The following PRKDC variants were observed in gnomAD, a reference collection of about 807,000 sequenced individuals.
PRKDC encodes protein kinase, DNA-activated, catalytic subunit, also known as DNA-dependent protein kinase catalytic subunit.
Under a neutral mutation model 486.9 loss-of-function variants are expected in PRKDC, and 82 were observed. The observed-to-expected ratio is 0.17, with a 90% CI of 0.14 to 0.20. The LOEUF (loss-of-function observed/expected upper bound fraction) is 0.20, where lower values mean the gene tolerates loss of function less well. Among genes scored for constraint, PRKDC ranks in the 10% least tolerant of loss-of-function variants. The pLI, the probability that PRKDC is intolerant of heterozygous loss-of-function variation, is 1.00. For missense variants in PRKDC, 4,504 were observed against 5,038.2 expected (o/e 0.89, Z 3.21); for synonymous variants, 1,895 against 1,837.0 (o/e 1.03, Z -0.81).
Position 47,849,415 on chromosome 8 carries a change from T to C in PRKDC, c.7094A>G (p.Asn2365Ser). 3 of 1,614,018 alleles carry C rather than the reference T, an allele frequency of 1.9e-6. No homozygotes were observed. Among genetic ancestry groups the C allele is most frequent in the Non-Finnish European group, 2.5e-6 (3 of 1,179,902 alleles). ...AGGAGGGAAGCTCTTGGTCACTTTG[T>C]TCAAGCACACAATAAACTTGTCCTC... ...TMEDKFIVCL[N>S]KVTKSFPPLA... The change falls in exon 53 of 86, where the codon AAC becomes AGC. Residue 2365 changes from asparagine to serine, a missense_variant. Physicochemically the swap from Asn to Ser is conservative, Grantham distance 46. This residue lies in a region of PRKDC where 1,592 missense variants were observed against 1,724.6 expected (regional missense o/e 0.92). Transcript: ENST00000314191.
At chr8:47,776,764 A>C in intron 85 of PRKDC, 80 bp downstream of exon 85, 1 of 1,525,696 alleles carries the variant, frequency 6.6e-7, no homozygotes, top group Non-Finnish European at 9.0e-7. Context: ...AGAGCTCAGC[A>C]CTTTGTATAT....
intron 29 of PRKDC, 59 bp from the exon 30 acceptor site, chr8:47,897,353 A>C: frequency 6.9e-7 from 1 of 1,456,150 alleles, no homozygotes; most frequent in Non-Finnish European, 9.2e-7. Context: ...TTCAGCTACC[A>C]AGGCTCTAGA....
At chr8:47,887,078 AAC>A (rs2089351106) in intron 35 of PRKDC, among the ~76,000 whole-genome samples, 1 of 152,194 alleles carries the variant, frequency 6.6e-6, no homozygotes, top group South Asian at 2.1e-4. Flanking sequence ...GGATGGAGTG[AAC>A]ACAGAGGGCT....
At chr8:47,927,409 GA>G in intron 20 of PRKDC, 56 bp from the exon 21 acceptor site, 3 of 1,519,242 alleles carry the variant, frequency 2.0e-6, no homozygotes, top group Admixed American at 2.3e-5. Context: ...AGATTTAGAG[GA>G]AAAAAACACC....
chr8:47,881,479 G>A lies in PRKDC; in HGVS notation c.5004C>T (p.Phe1668=). The stretch of plus-strand genomic sequence containing the variant: ...TAATATATGTTGTAAAGACTTCAGG[G>A]AATGAACCATGACTTGTATTAAAAG... ...SVSFNTSHGS[F]PEVFTTYISL... Residue 1668 remains phenylalanine, a synonymous_variant, in exon 38 of 86, where the codon TTC becomes TTT. Transcript: ENST00000314191. 3 of 1,576,762 alleles carry A rather than the reference G, an allele frequency of 1.9e-6. No homozygotes were observed. The highest frequency in any genetic ancestry group is 2.7e-5 in the African/African-American group (2 of 74,104).
chr8:47,882,572 A>G (rs1227840347), intron 36 of PRKDC, among the ~76,000 whole-genome samples: 1 of 152,090 alleles, frequency 6.6e-6, no homozygotes, highest in Non-Finnish European at 1.5e-5. Flanking sequence ...CCACCACCAT[A>G]CAGGCACACA....
chr8:47,849,806 T>A (rs2154500221), intron 52 of PRKDC, among the ~76,000 whole-genome samples: 1 of 151,732 alleles, frequency 6.6e-6, no homozygotes, highest in Admixed American at 6.6e-5. Context: ...AGATCAGTGT[T>A]TCCTACTGAC....
chr8:47,884,686 C>A (rs576427836), intron 36 of PRKDC, among the ~76,000 whole-genome samples: 1 of 152,266 alleles, frequency 6.6e-6, no homozygotes, highest in African/African-American at 2.4e-5. Flanking sequence ...AAAAGATTCC[C>A]CTACAACAGA....
intron 56 of PRKDC, 90 bp downstream of exon 56, chr8:47,839,032 GCAGAGAAAATGCTAATACTGCAAATA>G: frequency 2.7e-6 from 2 of 735,774 alleles, no homozygotes; most frequent in Non-Finnish European, 4.5e-6. Flanking sequence ...AATGCAGAAA[GCAGAGAAAATGCTAATACTGCAAATA>G]CATTTCTAAA....
At chr8:47,850,636 ATG>A (rs2088381854) in intron 52 of PRKDC, among the ~76,000 whole-genome samples, 1 of 152,204 alleles carries the variant, frequency 6.6e-6, no homozygotes, top group African/African-American at 2.4e-5. Flanking sequence ...AATTAATCAG[ATG>A]TCTTTTTATT....
Position 47,774,510 on chromosome 8 carries a change from GA to G in PRKDC, c.12183-134del, listed in dbSNP as rs1348824375. On this transcript the variant is annotated intron_variant, in intron 85 of 85. Transcript: ENST00000314191. The stretch of plus-strand genomic sequence containing the variant: ...AGTATTTTCTGTGGCTTATAACCTT[GA>G]AGTCAAAGACTGGATTTGTAGGAAA... 9.6e-5 allele frequency: 82 copies of G among 853,586 alleles called. No homozygotes were observed. The African/African-American group carries it at 1.3e-3, about 13-fold the overall frequency. The allele number at this position is 853,586 out of a possible 1,614,324, so 52.9% of individuals were successfully genotyped here. A position where few individuals can be genotyped will look rare whatever the true frequency, so the allele number is the denominator to read the frequency against.
chr8:47,860,453 C>T (rs994195566), intron 45 of PRKDC, among the ~76,000 whole-genome samples: 10 of 152,266 alleles, frequency 6.6e-5, no homozygotes, highest in South Asian at 6.2e-4. Context: ...GGGAGGGAGT[C>T]GGCAGGTCAG....
chr8:47,782,604 A>G lies in PRKDC; in HGVS notation c.11176-6T>C, dbSNP rs2086716508. 6.4e-7 allele frequency: 1 copy of G among 1,553,908 alleles called. No homozygotes were observed. Among genetic ancestry groups the G allele is most frequent in the Admixed American group, 1.9e-5 (1 of 51,384 alleles). On this transcript the variant is annotated splice_region_variant and splice_polypyrimidine_tract_variant and intron_variant, in intron 78 of 85. Transcript: ENST00000314191. This position sits in a 1 kb window ranked among gnomAD's most constrained non-coding sequence, Gnocchi z 4.9. Reference sequence around the variant, plus strand: ...AGAGACGCCATGACTGTCACCTTCAAAAATCAGAATGTCATCTCAGGGCAC... The same window carrying G: ...AGAGACGCCATGACTGTCACCTTCAGAAATCAGAATGTCATCTCAGGGCAC...
chr8:47,876,517 C>T (rs186917630), intron 40 of PRKDC, among the ~76,000 whole-genome samples: 57 of 152,114 alleles, frequency 3.7e-4, no homozygotes, highest in Non-Finnish European at 6.5e-4. Context: ...CAAAAATTAG[C>T]CAGTGTGTTG....
intron 72 of PRKDC, 83 bp from the exon 73 acceptor site, chr8:47,798,480 CT>C: frequency 7.3e-7 from 1 of 1,375,294 alleles, no homozygotes; most frequent in Non-Finnish European, 9.6e-7. Flanking sequence ...AACACTTTCC[CT>C]TTTTGGCTTG....
At position 47,934,044 on chromosome 8, in the gene PRKDC, C is replaced by T; in HGVS notation, c.1544G>A (p.Arg515Lys). ...TGTGGGCACCTTCCATTTGCCAGTTCTGACTTCCCCTGAAGCACGGTGGTC... is the reference window on the plus strand; with the variant it reads ...TGTGGGCACCTTCCATTTGCCAGTTTTGACTTCCCCTGAAGCACGGTGGTC... ...SEDHRASGEV[R>K]TGKWKVPTYK... Residue 515 changes from arginine (R) to lysine (K), a missense_variant, in exon 15 of 86, where the codon AGA becomes AAA. Around this residue, in one of 6 missense-constraint regions of PRKDC, gnomAD observed 1,969 missense variants for 2,068.9 expected, o/e 0.95. Transcript: ENST00000314191. 4 of 1,613,822 alleles carry T rather than the reference C, an allele frequency of 2.5e-6. No individual in the cohort carries two copies. Among genetic ancestry groups the T allele is most frequent in the Non-Finnish European group, 3.4e-6 (4 of 1,179,790 alleles).
Position 47,879,588 on chromosome 8 carries a change from A to G in PRKDC, c.5138T>C (p.Val1713Ala), listed in dbSNP as rs1280119789. Residue 1713 changes from valine (V) to alanine (A), a missense_variant, in exon 39 of 86, where the codon GTT becomes GCT. Coordinates refer to ENST00000314191, the MANE Select transcript of PRKDC (RefSeq NM_006904.7). ...GTGAGCAACGATGAGCTGCTCCAGA[A>G]CACGTCTAAGTTCCTCCAGACTGCC... ...TGGSLEELRR[V>A]LEQLIVAHFP... is the part of the protein sequence containing the mutation. The G allele has an allele frequency of 1.3e-6, 2 of 1,596,706 alleles. No homozygotes were observed. The highest frequency in any genetic ancestry group is 1.7e-5 in the Admixed American group (1 of 57,330).
intron 69 of PRKDC, among the ~76,000 whole-genome samples, chr8:47,806,347 G>A (rs976598525): frequency 2.0e-5 from 3 of 152,052 alleles, no homozygotes; most frequent in African/African-American, 7.3e-5. Context: ...AGTTCAGATC[G>A]CCCCTTCTGG....
intron 68 of PRKDC, among the ~76,000 whole-genome samples, chr8:47,809,266 C>T (rs974647692): frequency 1.3e-5 from 2 of 152,148 alleles, no homozygotes; most frequent in African/African-American, 4.8e-5. Context: ...TTCCTGTTCT[C>T]ACCACACTGC....
Sources: allele counts gnomAD v4.1 joint callset (sites outside exome capture counted in the v4.1 genomes callset), GRCh38; gene constraint gnomAD v4.1.1; regional missense constraint gnomAD v4.1.1; non-coding constraint Gnocchi (gnomAD v3.1); transcripts MANE v1.5; gene names NCBI Gene and HGNC (gene_info 2026-07-23, HGNC 2026-07-21).